The following CACNG8 variants were observed in gnomAD, a reference collection of about 807,000 sequenced individuals.
CACNG8 encodes voltage-dependent calcium channel gamma-8 subunit.
In CACNG8, 5 loss-of-function variants were observed where a neutral mutation model predicts 26.9. The ratio of observed to expected loss-of-function variants is 0.19; its 90% CI spans 0.10 to 0.39. The LOEUF (loss-of-function observed/expected upper bound fraction) is 0.39, where lower values mean the gene tolerates loss of function less well. Ranked by LOEUF, CACNG8 falls within the 10% of genes least tolerant of loss-of-function variation. The pLI is 1.00. For missense variants in CACNG8, 473 were observed against 609.4 expected, an observed-to-expected ratio of 0.78 and a Z score of 2.36; for synonymous variants, 321 against 296.7, an observed-to-expected ratio of 1.08 and a Z score of -0.84.
rs1428901459 is a variant in CACNG8, at chr19:53,968,438, A to G, written c.283+5013A>G. Among the ~76,000 whole-genome samples, 4 of 151,894 alleles carry G rather than the reference A, an allele frequency of 2.6e-5. No homozygotes were observed. In the East Asian group the frequency reaches 7.8e-4, roughly 29 times the overall value. On this transcript the variant is annotated intron_variant, in intron 1 of 3. Coordinates refer to ENST00000270458, the MANE Select transcript of CACNG8 (RefSeq NM_031895.6). ...ACAAATGATAAAATGTCCTTATGTC[A>G]TTGAAGGCTTAAGCTTTCGGCCAGT...
chr19:53,976,116 G>A (rs2069329155), intron 1 of CACNG8, among the ~76,000 whole-genome samples: 1 of 152,140 alleles, frequency 6.6e-6, no homozygotes, highest in South Asian at 2.1e-4. Context: ...AGGCTGAGGC[G>A]GGCGGATCAC....
intron 1 of CACNG8, 26 bp downstream of exon 1, chr19:53,963,451 A>G: frequency 1.4e-6 from 2 of 1,422,344 alleles, no homozygotes; most frequent in Non-Finnish European, 1.8e-6. Flanking sequence ...CCCTCCCCGC[A>G]GCCCCCGCCG....
At chr19:53,979,653 A>G (rs1201709403) in intron 2 of CACNG8, among the ~76,000 whole-genome samples, 1 of 152,192 alleles carries the variant, frequency 6.6e-6, no homozygotes, top group Non-Finnish European at 1.5e-5. Flanking sequence ...GGACAAAGAA[A>G]AAGAGGGAGA....
chr19:53,973,817 C>T (rs2069315912), intron 1 of CACNG8, among the ~76,000 whole-genome samples: 1 of 151,878 alleles, frequency 6.6e-6, no homozygotes. Context: ...CAGAGTGAGA[C>T]TCCATCCCAA....
chr19:53,972,977 C>T (rs929508579), intron 1 of CACNG8, among the ~76,000 whole-genome samples: 1 of 152,158 alleles, frequency 6.6e-6, no homozygotes, highest in Non-Finnish European at 1.5e-5. Flanking sequence ...GCCTCCATTT[C>T]CTCATTTGTA....
intron 3 of CACNG8, among the ~76,000 whole-genome samples, chr19:53,980,717 T>C (rs1214643054): frequency 1.3e-5 from 2 of 152,094 alleles, no homozygotes; most frequent in African/African-American, 2.4e-5. Context: ...AGTCAGTACC[T>C]GGGATTGGCC....
intron 1 of CACNG8, among the ~76,000 whole-genome samples, chr19:53,965,268 G>A (rs1425779535): frequency 2.0e-5 from 3 of 152,118 alleles, no homozygotes; most frequent in Admixed American, 6.6e-5. Context: ...TCTGATTTCC[G>A]GCTTCTTCTG....
chr19:53,963,963 A>G (rs1430389912), intron 1 of CACNG8, among the ~76,000 whole-genome samples: 2 of 151,662 alleles, frequency 1.3e-5, no homozygotes, highest in Non-Finnish European at 2.9e-5. Context: ...CACTGTGCCC[A>G]GCTAATTTTT....
intron 2 of CACNG8, 67 bp from the exon 3 acceptor site, chr19:53,979,800 G>C: frequency 2.0e-6 from 3 of 1,487,932 alleles, no homozygotes; most frequent in Non-Finnish European, 2.7e-6. Flanking sequence ...GGCCGGGAAG[G>C]GGGCGCAGGC....
chr19:53,979,186 G>C (rs1027836143), intron 2 of CACNG8, among the ~76,000 whole-genome samples: 1 of 125,598 alleles, frequency 8.0e-6, no homozygotes, highest in Non-Finnish European at 1.7e-5. Context: ...GACAGATGAG[G>C]CCAGGCAGAA....
chr19:53,972,414 T>C (rs186616293), intron 1 of CACNG8, among the ~76,000 whole-genome samples: 1 of 141,380 alleles, frequency 7.1e-6, no homozygotes, highest in Non-Finnish European at 1.5e-5. Flanking sequence ...CAGGCTGGAG[T>C]GCAATGGTGT....
At position 53,963,085 on chromosome 19, in the gene CACNG8, G is replaced by C; in HGVS notation, c.-58G>C. 1 of 1,016,420 alleles carries C rather than the reference G, an allele frequency of 9.8e-7. No individual in the cohort carries two copies. The highest frequency in any genetic ancestry group is 1.2e-6 in the Non-Finnish European group (1 of 804,878). The allele number at this position is 1,016,420 out of a possible 1,614,324, so 63.0% of individuals were successfully genotyped here. ...TGAACCCCCCCCCAGCCGCCGGCAC[G>C]GCCCCGCCCCCGCTGCCCCGGTGGT... On this transcript the variant is annotated 5_prime_UTR_variant, in exon 1 of 4. Coordinates refer to ENST00000270458, the MANE Select transcript of CACNG8 (RefSeq NM_031895.6).
intron 1 of CACNG8, among the ~76,000 whole-genome samples, chr19:53,966,689 C>T (rs752343098): frequency 1.3e-5 from 2 of 152,186 alleles, no homozygotes; most frequent in Non-Finnish European, 2.9e-5. Context: ...CCACTGCACC[C>T]GGCCTCACGG....
At chr19:53,966,781 G>A (rs1244604631) in intron 1 of CACNG8, among the ~76,000 whole-genome samples, 6 of 152,178 alleles carry the variant, frequency 3.9e-5, no homozygotes, top group South Asian at 2.1e-4. Context: ...GGAGTCACAC[G>A]AGCTGACTTA....
chr19:53,981,719 T>C (rs942588870), intron 3 of CACNG8, among the ~76,000 whole-genome samples: 1 of 151,794 alleles, frequency 6.6e-6, no homozygotes, highest in East Asian at 1.9e-4. Context: ...GGACCACGCA[T>C]GATGCAGTCT....
rs143350054 is a variant in CACNG8, at chr19:53,978,057, G to GGGGAA, written c.284-80_284-76dup. On this transcript the variant is annotated intron_variant, in intron 1 of 3. Coordinates refer to ENST00000270458, the MANE Select transcript of CACNG8 (RefSeq NM_031895.6). ...AGCAGCCCAGAGAGAGAAGGGGTTT[G>GGGGAA]GGGAAGGGAAGGGTCGGTTGTCAGT... The GGGGAA allele has an allele frequency of 1.5e-3, 1,303 of 858,674 alleles. 8 individuals are homozygous for GGGGAA. The highest frequency in any genetic ancestry group is 0.013 in the African/African-American group (779 of 60,366). The allele number at this position is 858,674 out of a possible 1,614,324, so 53.2% of individuals were successfully genotyped here. A position where few individuals can be genotyped will look rare whatever the true frequency, so the allele number is the denominator to read the frequency against.
rs1227497510 is a variant in CACNG8, at chr19:53,987,848, CG to C, written c.*5000del. 6.6e-6 allele frequency: 1 copy of C among 151,622 alleles called. No homozygotes were observed. Among genetic ancestry groups the C allele is most frequent in the Non-Finnish European group, 1.5e-5 (1 of 67,992 alleles). The allele number at this position is 151,622 out of a possible 1,614,324, so 9.4% of individuals were successfully genotyped here. Reference sequence around the variant, plus strand: ...GGAAAGAGAGGCCGTGGCTCAAAAACGTAAGTTTTGGAAACGTCAACATAAA... The same window carrying C: ...GGAAAGAGAGGCCGTGGCTCAAAAACTAAGTTTTGGAAACGTCAACATAAA... On this transcript the variant is annotated 3_prime_UTR_variant, in exon 4 of 4. Coordinates refer to ENST00000270458, the MANE Select transcript of CACNG8 (RefSeq NM_031895.6).
At chr19:53,972,934 A>G (rs371943346) in intron 1 of CACNG8, among the ~76,000 whole-genome samples, 10 of 152,052 alleles carry the variant, frequency 6.6e-5, no homozygotes, top group South Asian at 2.1e-4. Flanking sequence ...CTCACCCCCA[A>G]TAGGGCTTTG....
Position 53,969,194 on chromosome 19 carries a change from G to T in CACNG8, c.283+5769G>T, listed in dbSNP as rs575483694. Reference sequence around the variant, plus strand: ...AATTTTTGTACTTTTAGTAGAGACGGGGTTTCACCATGTTGACCAGGCTGA... The same window carrying T: ...AATTTTTGTACTTTTAGTAGAGACGTGGTTTCACCATGTTGACCAGGCTGA... On this transcript the variant is annotated intron_variant, in intron 1 of 3. Transcript: ENST00000270458. Among the ~76,000 whole-genome samples, 7 of 151,990 alleles carry T rather than the reference G, an allele frequency of 4.6e-5. No individual in the cohort carries two copies. In the South Asian group the frequency reaches 1.5e-3, roughly 32 times the overall value.
Sources: allele counts gnomAD v4.1 joint callset (sites outside exome capture counted in the v4.1 genomes callset), GRCh38; gene constraint gnomAD v4.1.1; transcripts MANE v1.5; gene names NCBI Gene and HGNC (gene_info 2026-07-23, HGNC 2026-07-21).